Variants in XPO5 observed in about 807,000 individuals in gnomAD.
The protein encoded by XPO5 is exportin-5.
A neutral mutation model predicts 160.6 loss-of-function variants in XPO5; 46 were observed. The observed-to-expected ratio is 0.29, with a 90% CI of 0.23 to 0.37. The LOEUF is 0.37. Ranked by LOEUF, XPO5 falls within the 10% of genes least tolerant of loss-of-function variation. XPO5 has a pLI of 1.00. For synonymous variants in XPO5, 537 were observed against 519.3 expected, an observed-to-expected ratio of 1.03 and a Z score of -0.46; for missense variants, 1,090 against 1,463.9, an observed-to-expected ratio of 0.74 and a Z score of 4.17.
At position 43,524,638 on chromosome 6, in the gene XPO5, G is replaced by A; in HGVS notation, c.3313-3C>T. 4 of 1,613,496 alleles carry A rather than the reference G, an allele frequency of 2.5e-6. No individual in the cohort carries two copies. In the South Asian group the frequency reaches 3.3e-5, roughly 13 times the overall value. On this transcript the variant is annotated splice_region_variant and splice_polypyrimidine_tract_variant and intron_variant, in intron 30 of 31. Coordinates refer to ENST00000265351, the MANE Select transcript of XPO5 (RefSeq NM_020750.3). ...CTTATCTCCAGGTACCTGGGGCGCTGATATCAGCAGGGATAAACTTACTGG... is the reference window on the plus strand; with the variant it reads ...CTTATCTCCAGGTACCTGGGGCGCTAATATCAGCAGGGATAAACTTACTGG...
chr6:43,572,593 G>A lies in XPO5; in HGVS notation c.228-15C>T. ...TCCACCGAAACCTGACCACCAAAAT[G>A]CATAAAGTCAATAGAACCACTTTAG... On this transcript the variant is annotated splice_polypyrimidine_tract_variant and intron_variant, in intron 2 of 31. Coordinates refer to ENST00000265351, the MANE Select transcript of XPO5 (RefSeq NM_020750.3). 1 of 1,613,378 alleles carries A rather than the reference G, an allele frequency of 6.2e-7. No homozygotes were observed. Among genetic ancestry groups the A allele is most frequent in the Non-Finnish European group, 8.5e-7 (1 of 1,179,596 alleles).
At chr6:43,530,589 T>G in intron 23 of XPO5, 99 bp downstream of exon 23, 1 of 1,393,826 alleles carries the variant, frequency 7.2e-7, no homozygotes, top group South Asian at 1.4e-5. Context: ...CATCTCTTCC[T>G]TCCAGTTCTG....
rs1233547430 is a variant in XPO5 at position 43,522,842 on chromosome 6, C to G, written c.*1026G>C. Reference sequence around the variant, plus strand: ...CAGGGCCAGGTCCCGTATCCATGTCCTCTCTTTACAGGGCCTTTCAGTGAC... The same window carrying G: ...CAGGGCCAGGTCCCGTATCCATGTCGTCTCTTTACAGGGCCTTTCAGTGAC... On this transcript the variant is annotated 3_prime_UTR_variant, in exon 32 of 32. Transcript: ENST00000265351. The G allele has an allele frequency of 4.0e-5, 12 of 296,572 alleles. No homozygotes were observed. Among genetic ancestry groups the G allele is most frequent in the Non-Finnish European group, 7.8e-5 (10 of 128,380 alleles). 18.4% of individuals were successfully genotyped at this position (296,572 alleles called of 1,614,324 possible). A position where few individuals can be genotyped will look rare whatever the true frequency, so the allele number is the denominator to read the frequency against.
chr6:43,525,277 T>C, intron 28 of XPO5, 63 bp from the exon 29 acceptor site: 7 of 1,469,762 alleles, frequency 4.8e-6, no homozygotes, highest in Non-Finnish European at 4.6e-6. Context: ...TGATGATTAT[T>C]ACACATCAGG....
In XPO5 at chr6:43,558,487, C is replaced by T; in HGVS notation, c.1312+14G>A. 6.3e-7 allele frequency: 1 copy of T among 1,581,152 alleles called. No homozygotes were observed. The highest frequency in any genetic ancestry group is 2.3e-5 in the East Asian group (1 of 44,020). On this transcript the variant is annotated intron_variant, in intron 12 of 31. Coordinates refer to ENST00000265351, the MANE Select transcript of XPO5 (RefSeq NM_020750.3). ...TGAGACTGTTGAGAGAAATCCAAGG[C>T]CAACATCACTTACAGTTGAAGAAAG...
In XPO5 at chr6:43,549,885, G is replaced by T; in HGVS notation, c.1770+8C>A. On this transcript the variant is annotated splice_region_variant and intron_variant, in intron 16 of 31. Coordinates refer to ENST00000265351, the MANE Select transcript of XPO5 (RefSeq NM_020750.3). ...GTTAGAATCTATTGGTTTAATTAAT[G>T]GTCTTACCTTACTTTCTTCAACAGT... 6.2e-7 allele frequency: 1 copy of T among 1,607,918 alleles called. No homozygotes were observed.
chr6:43,539,210 AC>A, intron 20 of XPO5: 2 of 1,167,290 alleles, frequency 1.7e-6, no homozygotes, highest in Non-Finnish European at 2.5e-6. Context: ...GCCTCTGTGC[AC>A]GGGGACAATG....
intron 17 of XPO5, among the ~76,000 whole-genome samples, chr6:43,548,715 G>A (rs988562462): frequency 6.6e-6 from 1 of 150,812 alleles, no homozygotes; most frequent in East Asian, 1.9e-4. Flanking sequence ...AGATCAGCTT[G>A]TTTTATATAT....
intron 18 of XPO5, 110 bp downstream of exon 18, chr6:43,548,150 TA>T: frequency 9.4e-7 from 1 of 1,068,348 alleles, no homozygotes; most frequent in Non-Finnish European, 1.3e-6. Flanking sequence ...ATATCATGGA[TA>T]ATGCCATCAC....
At chr6:43,558,863 C>G (rs1419340216) in intron 11 of XPO5, 1 of 325,604 alleles carries the variant, frequency 3.1e-6, no homozygotes, top group Non-Finnish European at 5.6e-6. Flanking sequence ...TTTAAGGTCC[C>G]CAGAAAAAAT....
In XPO5 at chr6:43,546,663, C is replaced by G. The variant is rs1485725101; in HGVS notation, c.2250G>C (p.Val750=). ...DLEEAKAGGF[V]VGYTSSGNPI... is the part of the protein sequence containing the mutation. Reference sequence around the variant, plus strand: ...GATTTCCACTGGATGTATAACCCACCACAAATCCCCCAGCTTTGGCCTCTT... The same window carrying G: ...GATTTCCACTGGATGTATAACCCACGACAAATCCCCCAGCTTTGGCCTCTT... The change falls in exon 20 of 32, where the codon GTG becomes GTC. Residue 750 remains valine (V), a synonymous_variant. Coordinates refer to ENST00000265351, the MANE Select transcript of XPO5 (RefSeq NM_020750.3). 1 of 1,613,610 alleles carries G rather than the reference C, an allele frequency of 6.2e-7. No homozygotes were observed. The highest frequency in any genetic ancestry group is 8.5e-7 in the Non-Finnish European group (1 of 1,179,810).
intron 31 of XPO5, among the ~76,000 whole-genome samples, 180 bp downstream of exon 31, chr6:43,524,291 G>T (rs2127696946): frequency 6.6e-6 from 1 of 151,218 alleles, no homozygotes; most frequent in South Asian, 2.1e-4. Flanking sequence ...GGCGGAGGTT[G>T]TGGTGAGCTG....
At position 43,567,730 on chromosome 6, in the gene XPO5, C is replaced by CA. The variant is rs1183602544; in HGVS notation, c.649-377dup. On this transcript the variant is annotated intron_variant, in intron 6 of 31. Transcript: ENST00000265351. The stretch of plus-strand genomic sequence containing the variant: ...GCAACATGGCAAAACTAGTGTCTAC[C>CA]AAAAAAACAAAAAATAAAATAAAAT... 1.5e-3 allele frequency among the ~76,000 whole-genome samples: 218 copies of CA among 150,230 alleles called. 1 individual carries two copies. Among genetic ancestry groups the CA allele is most frequent in the African/African-American group, 4.8e-3 (198 of 40,974 alleles).
rs767292601 is a variant in XPO5 at position 43,533,816 on chromosome 6, CAG to C, written c.2443+89_2443+90del. 24 of 937,468 alleles carry C rather than the reference CAG, an allele frequency of 2.6e-5. 1 individual carries two copies. Among genetic ancestry groups the C allele is most frequent in the Non-Finnish European group, 3.8e-5 (24 of 636,324 alleles). 58.1% of individuals were successfully genotyped at this position (937,468 alleles called of 1,614,324 possible). ...CACCAGTGCACTCTAGCCTGGGTGA[CAG>C]AGACTATGACTCTTAAAAAACAACA... is the stretch of plus-strand genomic sequence containing the variant. On this transcript the variant is annotated intron_variant, in intron 21 of 31. Transcript: ENST00000265351.
intron 20 of XPO5, chr6:43,538,734 A>G: frequency 2.0e-6 from 1 of 510,398 alleles, no homozygotes; most frequent in South Asian, 3.6e-5. Flanking sequence ...CAAAATAAAT[A>G]AGCCTCATAA....
Position 43,548,448 on chromosome 6 carries a change from T to C in XPO5, c.1873A>G (p.Met625Val), listed in dbSNP as rs776519144. Residue 625 changes from methionine to valine, a missense_variant, in exon 18 of 32, where the codon ATG becomes GTG. This residue lies in a region of XPO5 where 810 missense variants were observed against 1,139.0 expected (regional missense o/e 0.71). Transcript: ENST00000265351. ...YPQLVLPNFD[M>V]LYNHVKQLLS... ...AGTTGCTTCACATGGTTATAAAGCATGTCAAAATTGGGCTACAGATCAAAA... is the reference window on the plus strand; with the variant it reads ...AGTTGCTTCACATGGTTATAAAGCACGTCAAAATTGGGCTACAGATCAAAA... 1 of 1,565,244 alleles carries C rather than the reference T, an allele frequency of 6.4e-7. No individual in the cohort carries two copies. The highest frequency in any genetic ancestry group is 8.7e-7 in the Non-Finnish European group (1 of 1,150,418).
In XPO5 at chr6:43,555,623, T is replaced by C. The variant is rs1490607861; in HGVS notation, c.1441+213A>G. The C allele has an allele frequency of 1.6e-5, 7 of 428,634 alleles. No homozygotes were observed. The East Asian group carries it at 2.7e-4, about 17-fold the overall frequency. 26.6% of individuals were successfully genotyped at this position (428,634 alleles called of 1,614,324 possible). The stretch of plus-strand genomic sequence containing the variant: ...AATGATGGCAAAACTGATAAGGACA[T>C]GGTTTTACCCTAATTTAAAACAAAT... On this transcript the variant is annotated intron_variant, in intron 13 of 31. Coordinates refer to ENST00000265351, the MANE Select transcript of XPO5 (RefSeq NM_020750.3).
intron 23 of XPO5, chr6:43,529,222 C>G (rs1441510810): frequency 2.8e-6 from 4 of 1,408,192 alleles, no homozygotes; most frequent in Non-Finnish European, 3.8e-6. Context: ...AACAAACTCT[C>G]CTTCACCATT....
In XPO5 at chr6:43,562,343, A is replaced by G. The variant is rs371458711; in HGVS notation, c.915T>C (p.Thr305=). 6.2e-6 allele frequency: 10 copies of G among 1,604,254 alleles called. No individual in the cohort carries two copies. In the African/African-American group the frequency reaches 8.0e-5, roughly 13 times the overall value. The change falls in exon 9 of 32, where the codon ACT becomes ACC. Residue 305 remains threonine (T), a synonymous_variant. Coordinates refer to ENST00000265351, the MANE Select transcript of XPO5 (RefSeq NM_020750.3). ...TTTCTACCAAACCTCCTCCATCAGC[A>G]GTCCTGTAAGATGAGAATTCCTTAT... is the stretch of plus-strand genomic sequence containing the variant. ...AMHYILSAAQ[T]ADGGGLVEKH...
Sources: allele counts gnomAD v4.1 joint callset (sites outside exome capture counted in the v4.1 genomes callset), GRCh38; gene constraint gnomAD v4.1.1; regional missense constraint gnomAD v4.1.1; transcripts MANE v1.5; gene names NCBI Gene and HGNC (gene_info 2026-07-23, HGNC 2026-07-21).